CDH2: variants seen among roughly 807,000 people sequenced by gnomAD.
The protein encoded by CDH2 is cadherin 2.
CDH2 carries 17 observed loss-of-function variants against 92.0 expected under a neutral mutation model. That is an observed-to-expected ratio of 0.18 (90% CI 0.13 to 0.28). The LOEUF (loss-of-function observed/expected upper bound fraction) is 0.28, where lower values mean the gene tolerates loss of function less well. CDH2 is among the 10% of genes least tolerant of loss of function. CDH2 has a pLI of 1.00. For missense variants in CDH2, 862 were observed against 1,133.1 expected (o/e 0.76, Z 3.44); for synonymous variants, 419 against 415.9 (o/e 1.01, Z -0.09).
intron 2 of CDH2, among the ~76,000 whole-genome samples, chr18:28,118,422 TAATC>T (rs1184304194): frequency 1.3e-5 from 2 of 152,056 alleles, no homozygotes; most frequent in East Asian, 3.9e-4. Flanking sequence ...TCAAAGAAAA[TAATC>T]AACCTATTTT....
intron 2 of CDH2, among the ~76,000 whole-genome samples, chr18:28,021,196 G>C (rs957615017): frequency 4.0e-5 from 6 of 151,870 alleles, no homozygotes. Flanking sequence ...GATATTTAAT[G>C]AAAGTTATGC....
At chr18:28,035,886 C>T (rs947717056) in intron 2 of CDH2, among the ~76,000 whole-genome samples, 1 of 151,868 alleles carries the variant, frequency 6.6e-6, no homozygotes, top group African/African-American at 2.4e-5. Flanking sequence ...GGAAGACACA[C>T]CTGTATCTAA....
intron 6 of CDH2, 102 bp from the exon 7 acceptor site, chr18:28,003,271 T>C: frequency 1.2e-6 from 1 of 802,728 alleles, no homozygotes; most frequent in South Asian, 2.2e-5. Context: ...TTTCACTTTT[T>C]AAAAACAAAT....
chr18:28,122,212 AC>A (rs1291045605), intron 2 of CDH2, among the ~76,000 whole-genome samples: 1 of 152,078 alleles, frequency 6.6e-6, no homozygotes, highest in Non-Finnish European at 1.5e-5. Flanking sequence ...TCTCCAGGAA[AC>A]CTTTTTCAAC....
intron 6 of CDH2, among the ~76,000 whole-genome samples, chr18:27,943,317 C>CA (rs1909188811): frequency 6.6e-6 from 1 of 152,182 alleles, no homozygotes; most frequent in Non-Finnish European, 1.5e-5. Context: ...ATGGCTCTGC[C>CA]ACTGACTAGC....
At chr18:28,128,379 T>C (rs770398769) in intron 2 of CDH2, among the ~76,000 whole-genome samples, 4 of 152,178 alleles carry the variant, frequency 2.6e-5, no homozygotes, top group Non-Finnish European at 4.4e-5. Flanking sequence ...TTATTTCTAA[T>C]GATGTGGCTA....
intron 14 of CDH2, among the ~76,000 whole-genome samples, chr18:27,969,260 C>A (rs1438725168): frequency 6.6e-6 from 1 of 152,108 alleles, no homozygotes; most frequent in Non-Finnish European, 1.5e-5. Flanking sequence ...GATGAAGGAT[C>A]TCTGTTCTCT....
chr18:27,986,348 C>T (rs986431292), intron 11 of CDH2, among the ~76,000 whole-genome samples: 1 of 152,116 alleles, frequency 6.6e-6, no homozygotes, highest in Non-Finnish European at 1.5e-5. Context: ...TCTATGTACA[C>T]TCTTTGATTG....
chr18:28,120,819 A>G (rs961005953), intron 2 of CDH2, among the ~76,000 whole-genome samples: 3 of 152,022 alleles, frequency 2.0e-5, no homozygotes, highest in African/African-American at 7.2e-5. Context: ...CACAGATATC[A>G]CCCACACTAT....
intron 1 of CDH2, among the ~76,000 whole-genome samples, chr18:28,150,745 T>C (rs1012607001): frequency 3.3e-5 from 5 of 152,166 alleles, no homozygotes; most frequent in African/African-American, 1.2e-4. Flanking sequence ...TTTGAATAAT[T>C]TCATATTCAT....
rs750975099 is a variant in CDH2 at position 27,985,045 on chromosome 18, T to C, written c.2164A>G (p.Thr722Ala). The C allele has an allele frequency of 6.2e-7, 1 of 1,614,136 alleles. No individual in the cohort carries two copies. The highest frequency in any genetic ancestry group is 1.7e-5 in the Admixed American group (1 of 60,012). ...AGCAGGATGGCAATGATGGCACCGG[T>C]GCCAAGCCCCGCACCCACAATCCTG... ...VDRIVGAGLG[T>A]GAIIAILLCI... is the part of the protein sequence containing the mutation. The change falls in exon 13 of 16, where the codon ACC becomes GCC. Residue 722 changes from threonine (T) to alanine (A), a missense_variant. Thr to Ala is a moderately conservative substitution (Grantham distance 58). This residue lies in a region of CDH2 where 564 missense variants were observed against 722.2 expected (regional missense o/e 0.78). Coordinates refer to ENST00000269141, the MANE Select transcript of CDH2 (RefSeq NM_001792.5).
In CDH2 at chr18:27,990,353, G is replaced by A; in HGVS notation, c.1345-3C>T. Reference sequence around the variant, plus strand: ...CTATTTGTTTCAAAGTCGATTGGCTGGAAAATAAAAGGGAAGCCATATTTT... The same window carrying A: ...CTATTTGTTTCAAAGTCGATTGGCTAGAAAATAAAAGGGAAGCCATATTTT... On this transcript the variant is annotated splice_region_variant and splice_polypyrimidine_tract_variant and intron_variant, in intron 9 of 15. Coordinates refer to ENST00000269141, the MANE Select transcript of CDH2 (RefSeq NM_001792.5). 4 of 1,601,706 alleles carry A rather than the reference G, an allele frequency of 2.5e-6. No homozygotes were observed. In the South Asian group the frequency reaches 3.3e-5, roughly 13 times the overall value.
intron 2 of CDH2, among the ~76,000 whole-genome samples, chr18:28,076,684 TC>T (rs1238934310): frequency 1.7e-5 from 2 of 115,288 alleles, no homozygotes; most frequent in African/African-American, 3.3e-5. Flanking sequence ...ATGCTTTCCC[TC>T]CCCCCTCCCC....
chr18:28,031,682 G>C (rs1361573402), intron 2 of CDH2, among the ~76,000 whole-genome samples: 1 of 152,064 alleles, frequency 6.6e-6, no homozygotes. Flanking sequence ...GAAGGAAGAG[G>C]AAAGAACAGA....
At chr18:27,983,506 C>G (rs2012127434) in intron 13 of CDH2, among the ~76,000 whole-genome samples, 1 of 152,172 alleles carries the variant, frequency 6.6e-6, no homozygotes, top group Non-Finnish European at 1.5e-5. Context: ...CATCATTACA[C>G]TCCGAAATTC....
chr18:27,982,378 C>G (rs2012083945), intron 14 of CDH2, among the ~76,000 whole-genome samples: 1 of 152,130 alleles, frequency 6.6e-6, no homozygotes, highest in Non-Finnish European at 1.5e-5. Flanking sequence ...ATTGAATAAC[C>G]ACCTCAAGCC....
chr18:28,016,960 T>C (rs1218967926), intron 2 of CDH2, among the ~76,000 whole-genome samples: 3 of 152,204 alleles, frequency 2.0e-5, no homozygotes, highest in African/African-American at 7.2e-5. Flanking sequence ...CCTGCATTCC[T>C]GATATGAAAC....
intron 15 of CDH2, among the ~76,000 whole-genome samples, chr18:27,960,890 C>T (rs1012950139): frequency 1.3e-5 from 2 of 151,976 alleles, no homozygotes; most frequent in East Asian, 3.9e-4. Context: ...AAACTGTATA[C>T]CTGAGCACTG....
chr18:28,031,012 GTT>G (rs1330225473), intron 2 of CDH2, among the ~76,000 whole-genome samples: 1 of 151,052 alleles, frequency 6.6e-6, no homozygotes, highest in East Asian at 2.0e-4. Flanking sequence ...CAATCTTAAG[GTT>G]TTAAAAACCA....
Sources: gnomAD v4.1 joint callset for allele counts (sites outside exome capture counted in the v4.1 genomes callset) on GRCh38, gnomAD v4.1.1 for gene constraint, gnomAD v4.1.1 regional missense constraint, MANE v1.5 for transcripts, NCBI Gene and HGNC (gene_info 2026-07-23, HGNC 2026-07-21) for gene names.